The following IL17RE variants were observed in gnomAD, a reference collection of about 807,000 sequenced individuals.
The protein encoded by IL17RE is interleukin 17 receptor E.
A neutral mutation model predicts 70.7 loss-of-function variants in IL17RE; 47 were observed. That is an observed-to-expected ratio of 0.67 (90% CI 0.53 to 0.85). The LOEUF is 0.85. IL17RE is among the 40% of genes least tolerant of loss of function. The pLI is 0.00. For missense variants in IL17RE, 850 were observed against 893.9 expected (o/e 0.95, Z 0.63); for synonymous variants, 372 against 381.2 (o/e 0.98, Z 0.28).
At chr3:9,908,170 C>A in intron 6 of IL17RE, 69 bp from the exon 7 acceptor site, 1 of 1,298,084 alleles carries the variant, frequency 7.7e-7, no homozygotes, top group Non-Finnish European at 1.1e-6. Context: ...CAGCACTGTT[C>A]TGCCCTTGTC....
chr3:9,902,264 G>A (rs1227086379), upstream of IL17RE, among the ~76,000 whole-genome samples: 1 of 152,194 alleles, frequency 6.6e-6, no homozygotes, highest in Non-Finnish European at 1.5e-5. Flanking sequence ...GTACTGACTA[G>A]TGGGTCCTTG....
Position 9,911,508 on chromosome 3 carries a change from T to G in IL17RE, c.1138T>G (p.Ser380Ala), listed in dbSNP as rs753969888. ...CCAGCAGCTGATTCTTCACTTCTCC[T>G]CAAGAATGCATGCCACCTTCAGTGC... ...QAQQLILHFS[S>A]RMHATFSAAW... The change falls in exon 12 of 16, where the codon TCA (serine) becomes GCA (alanine). Residue 380 changes from serine (S) to alanine (A), a missense_variant. Coordinates refer to ENST00000383814, the MANE Select transcript of IL17RE (RefSeq NM_153480.2). 3 of 1,614,022 alleles carry G rather than the reference T, an allele frequency of 1.9e-6. No individual in the cohort carries two copies. The highest frequency in any genetic ancestry group is 2.5e-6 in the Non-Finnish European group (3 of 1,180,020).
At chr3:9,911,790 CT>C (rs1448927666) in intron 12 of IL17RE, 193 bp downstream of exon 12, 44 of 480,176 alleles carry the variant, frequency 9.2e-5, no homozygotes, top group Admixed American at 1.9e-4. Context: ...GGAGCATTTT[CT>C]TTTTTTTCTT....
rs1441717990 is a variant in IL17RE, at chr3:9,916,295, C to G, written c.*488C>G. The G allele has an allele frequency of 8.7e-6, 1 of 114,410 alleles. No individual in the cohort carries two copies. The highest frequency in any genetic ancestry group is 3.4e-5 in the African/African-American group (1 of 29,502). The allele number at this position is 114,410 out of a possible 1,614,324, so 7.1% of individuals were successfully genotyped here. On this transcript the variant is annotated 3_prime_UTR_variant, in exon 16 of 16. Coordinates refer to ENST00000383814, the MANE Select transcript of IL17RE (RefSeq NM_153480.2). The stretch of plus-strand genomic sequence containing the variant: ...TGGACCTAGGAAAAGAGGCTTTTGG[C>G]TCCAGGTGGTCAGGACAGTGGGGGT...
At chr3:9,906,228 A>T in intron 3 of IL17RE, 136 bp from the exon 4 acceptor site, 1 of 364,604 alleles carries the variant, frequency 2.7e-6, no homozygotes, top group South Asian at 5.8e-5. Context: ...CAGCCTGGGC[A>T]ACAAAGAGCA....
chr3:9,908,449 T>C (rs891050049), intron 7 of IL17RE, 142 bp downstream of exon 7: 2 of 715,544 alleles, frequency 2.8e-6, no homozygotes, highest in African/African-American at 1.8e-5. Flanking sequence ...CAGCGCCAGC[T>C]TGGCTGTGAG....
chr3:9,915,472 C>G lies in IL17RE; in HGVS notation c.1669C>G (p.Leu557Val). 1 of 1,339,372 alleles carries G rather than the reference C, an allele frequency of 7.5e-7. No homozygotes were observed. Among genetic ancestry groups the G allele is most frequent in the African/African-American group, 1.5e-5 (1 of 65,090 alleles). The allele number at this position is 1,339,372 out of a possible 1,614,324, so 83.0% of individuals were successfully genotyped here. ...RVAREQGTVLLLWSGADLRPV... is the reference protein window; with the variant it reads ...RVAREQGTVLVLWSGADLRPV... ...AGCGCGGGAGCAGGGCACTGTGCTG[C>G]TGCTGTGGAGCGGCGCCGACCTTCG... is the stretch of plus-strand genomic sequence containing the variant. The change falls in exon 16 of 16, where the codon CTG becomes GTG. Residue 557 changes from leucine (L) to valine (V), a missense_variant. Leu to Val is a conservative substitution (Grantham distance 32, BLOSUM62 1). Coordinates refer to ENST00000383814, the MANE Select transcript of IL17RE (RefSeq NM_153480.2). This position sits in a 1 kb window ranked among gnomAD's most constrained non-coding sequence, Gnocchi z 4.9.
intron 12 of IL17RE, 155 bp downstream of exon 12, chr3:9,911,752 C>T: frequency 2.9e-6 from 2 of 679,416 alleles, no homozygotes; most frequent in Non-Finnish European, 4.8e-6. Flanking sequence ...CTCTGTTCAG[C>T]TAACTTGCTG....
At chr3:9,914,632 G>A in intron 14 of IL17RE, 33 bp downstream of exon 14, 1 of 1,613,298 alleles carries the variant, frequency 6.2e-7, no homozygotes, top group African/African-American at 1.3e-5. Context: ...GTAAGAGGGA[G>A]GCTGGGCACT....
Position 9,915,518 on chromosome 3 carries a change from C to A in IL17RE, c.1715C>A (p.Pro572His). The A allele has an allele frequency of 1.5e-6, 2 of 1,320,488 alleles. No homozygotes were observed. The highest frequency in any genetic ancestry group is 9.6e-7 in the Non-Finnish European group (1 of 1,043,716). The allele number at this position is 1,320,488 out of a possible 1,614,324, so 81.8% of individuals were successfully genotyped here. The change falls in exon 16 of 16, where the codon CCC (proline) becomes CAC (histidine). Residue 572 changes from proline (P) to histidine (H), a missense_variant. By Grantham distance (77) the Pro-to-His change is moderately conservative. Transcript: ENST00000383814. This position sits in a 1 kb window ranked among gnomAD's most constrained non-coding sequence, Gnocchi z 4.9. Reference sequence around the variant, plus strand: ...CTTCGCCCGGTCAGCGGCCCCGACCCCCGCGCCGCGCCCCTGCTCGCCCTG... The same window carrying A: ...CTTCGCCCGGTCAGCGGCCCCGACCACCGCGCCGCGCCCCTGCTCGCCCTG... The part of the protein sequence containing the change: ...ADLRPVSGPD[P>H]RAAPLLALLH...
chr3:9,911,629 T>C, intron 12 of IL17RE, 32 bp downstream of exon 12: 1 of 1,593,224 alleles, frequency 6.3e-7, no homozygotes, highest in Non-Finnish European at 8.6e-7. Context: ...GTCCTATTGC[T>C]CAGAGCACAG....
At chr3:9,914,073 C>A in intron 13 of IL17RE, 49 bp downstream of exon 13, 1 of 1,414,696 alleles carries the variant, frequency 7.1e-7, no homozygotes, top group Middle Eastern at 1.8e-4. Flanking sequence ...GCATCTGCTC[C>A]CCTAGTGGCA....
Position 9,902,885 on chromosome 3 carries a change from T to G in IL17RE, c.-48T>G. Reference sequence around the variant, plus strand: ...GCACAGCAAGGCCCTGCCACCCACCTTCAGGCCATGCAGCCATGTTCCGGG... The same window carrying G: ...GCACAGCAAGGCCCTGCCACCCACCGTCAGGCCATGCAGCCATGTTCCGGG... On this transcript the variant is annotated 5_prime_UTR_variant, in exon 1 of 16. Transcript: ENST00000383814. 1 of 1,614,046 alleles carries G rather than the reference T, an allele frequency of 6.2e-7. No homozygotes were observed. The highest frequency in any genetic ancestry group is 2.2e-5 in the East Asian group (1 of 44,884).
At chr3:9,909,133 G>A (rs182382904) in intron 7 of IL17RE, 84 bp from the exon 8 acceptor site, 4 of 1,199,580 alleles carry the variant, frequency 3.3e-6, no homozygotes, top group East Asian at 4.9e-5. Flanking sequence ...GTCACAGTAA[G>A]GTAAAGCCAG....
Position 9,903,161 on chromosome 3 carries a change from T to C in IL17RE, c.132+97T>C, listed in dbSNP as rs978117763. On this transcript the variant is annotated intron_variant, in intron 1 of 15. Transcript: ENST00000383814. ...TGTGCTACCTCCGCAGTCCCTGTGC[T>C]CTGGTGGCAGCTTTGATGTGTCCTC... 7.5e-6 allele frequency: 9 copies of C among 1,193,356 alleles called. No homozygotes were observed. In the South Asian group the frequency reaches 1.2e-4, roughly 16 times the overall value. The allele number at this position is 1,193,356 out of a possible 1,614,324, so 73.9% of individuals were successfully genotyped here.
chr3:9,907,034 C>T lies in IL17RE; in HGVS notation c.600C>T (p.Val200=). 1 of 1,614,168 alleles carries T rather than the reference C, an allele frequency of 6.2e-7. No homozygotes were observed. Among genetic ancestry groups the T allele is most frequent in the Non-Finnish European group, 8.5e-7 (1 of 1,180,034 alleles). ...IRVTISSGPE[V]SVRLCHQWAL... The stretch of plus-strand genomic sequence containing the variant: ...TGACCATATCTTCAGGCCCTGAGGT[C>T]AGCGTGCGTCTTTGTCACCAGTGGG... Residue 200 remains valine (V), a synonymous_variant, in exon 6 of 16, where the codon GTC becomes GTT. Transcript: ENST00000383814.
intron 12 of IL17RE, among the ~76,000 whole-genome samples, chr3:9,912,150 C>G (rs984953290): frequency 3.3e-5 from 5 of 152,184 alleles, no homozygotes; most frequent in Admixed American, 1.3e-4. Flanking sequence ...CTATTGTGAA[C>G]GGTGCATGCG....
At chr3:9,905,771 G>T (rs1238960783) in intron 3 of IL17RE, among the ~76,000 whole-genome samples, 1 of 152,194 alleles carries the variant, frequency 6.6e-6, no homozygotes, top group Non-Finnish European at 1.5e-5. Context: ...AGTGAGCCAA[G>T]ATCGCGCCGC....
intron 7 of IL17RE, 29 bp downstream of exon 7, chr3:9,908,336 C>A: frequency 6.3e-7 from 1 of 1,595,156 alleles, no homozygotes; most frequent in Non-Finnish European, 8.6e-7. Context: ...GTGGGCTGTC[C>A]ATGGCTCTGC....
Sources: allele counts gnomAD v4.1 joint callset (sites outside exome capture counted in the v4.1 genomes callset), GRCh38; gene constraint gnomAD v4.1.1; non-coding constraint Gnocchi (gnomAD v3.1); transcripts MANE v1.5; gene names NCBI Gene and HGNC (gene_info 2026-07-23, HGNC 2026-07-21).